Variants in BICC1 observed in about 807,000 individuals in gnomAD.
BICC1 encodes the protein protein bicaudal C homolog 1.
A neutral mutation model predicts 111.0 loss-of-function variants in BICC1; 43 were observed. The observed-to-expected ratio is 0.39, with a 90% CI of 0.30 to 0.50. The LOEUF (loss-of-function observed/expected upper bound fraction) is 0.50. BICC1 is among the 20% of genes least tolerant of loss of function. BICC1 has a pLI of 0.88. For synonymous variants in BICC1, 467 were observed against 434.4 expected (o/e 1.07, Z -0.93); for missense variants, 1,091 against 1,203.2 (o/e 0.91, Z 1.38).
intron 3 of BICC1, among the ~76,000 whole-genome samples, chr10:58,718,784 G>GTA (rs1564572763): frequency 3.3e-5 from 5 of 151,186 alleles, no homozygotes; most frequent in Non-Finnish European, 7.4e-5. Flanking sequence ...GCGTGCGCGC[G>GTA]TGCGCACGCC....
At position 58,758,116 on chromosome 10, in the gene BICC1, G is replaced by A. The variant is rs866355361; in HGVS notation, c.308-26885G>A. ...TTAAAGTCATCCTATGAATGATTAG[G>A]CTTCTGTGAGCCAAACCTAGGTCAG... On this transcript the variant is annotated intron_variant, in intron 3 of 20. Coordinates refer to ENST00000373886, the MANE Select transcript of BICC1 (RefSeq NM_001080512.3). 3.9e-5 allele frequency among the ~76,000 whole-genome samples: 6 copies of A among 152,144 alleles called. No homozygotes were observed. The South Asian group carries it at 1.2e-3, about 32-fold the overall frequency.
intron 18 of BICC1, among the ~76,000 whole-genome samples, chr10:58,816,088 C>A (rs574793547): frequency 4.6e-5 from 7 of 152,098 alleles, no homozygotes; most frequent in Non-Finnish European, 8.8e-5. Context: ...GTTGCTGCAG[C>A]ATAATTCTCA....
chr10:58,582,861 T>C (rs2132016001), intron 1 of BICC1, among the ~76,000 whole-genome samples: 1 of 152,348 alleles, frequency 6.6e-6, no homozygotes, highest in East Asian at 1.9e-4. Context: ...GCATTGAGCC[T>C]ACTCAGAGAA....
intron 3 of BICC1, among the ~76,000 whole-genome samples, chr10:58,737,722 T>C (rs1841518979): frequency 6.6e-6 from 1 of 150,998 alleles, no homozygotes; most frequent in African/African-American, 2.4e-5. Flanking sequence ...CCAATGGTGC[T>C]ATTTCTCCAC....
At chr10:58,828,363 G>A (rs1335559336) in intron 20 of BICC1, among the ~76,000 whole-genome samples, 8 of 152,158 alleles carry the variant, frequency 5.3e-5, no homozygotes, top group Non-Finnish European at 8.8e-5. Flanking sequence ...TCAGTCATAC[G>A]TCCTTTCACG....
chr10:58,774,500 TA>T (rs1410647414), intron 3 of BICC1, among the ~76,000 whole-genome samples: 1 of 152,200 alleles, frequency 6.6e-6, no homozygotes, highest in African/African-American at 2.4e-5. Context: ...TTTTGTGCAT[TA>T]TAAAAGTATA....
At chr10:58,724,786 C>T (rs1404245016) in intron 3 of BICC1, among the ~76,000 whole-genome samples, 2 of 152,206 alleles carry the variant, frequency 1.3e-5, no homozygotes, top group African/African-American at 4.8e-5. Flanking sequence ...GCCCCGGTTG[C>T]CCCGGTCCTG....
At chr10:58,600,501 C>T (rs1844991667) in intron 1 of BICC1, among the ~76,000 whole-genome samples, 2 of 152,112 alleles carry the variant, frequency 1.3e-5, no homozygotes, top group East Asian at 3.9e-4. Context: ...TTTGTACATT[C>T]ATTTTGACTT....
At chr10:58,746,424 C>T (rs987395528) in intron 3 of BICC1, among the ~76,000 whole-genome samples, 18 of 152,094 alleles carry the variant, frequency 1.2e-4, no homozygotes, top group Non-Finnish European at 2.9e-5. Flanking sequence ...AATATTTGCT[C>T]CCTCATTGCT....
At chr10:58,513,456 G>A (rs1423461556) in intron 1 of BICC1, 123 bp downstream of exon 1, 4 of 944,040 alleles carry the variant, frequency 4.2e-6, no homozygotes, top group East Asian at 3.2e-5. Flanking sequence ...CTCCAGGCCC[G>A]CTCCCCCGCG....
At chr10:58,549,941 G>A (rs912279773) in intron 1 of BICC1, among the ~76,000 whole-genome samples, 47 of 151,798 alleles carry the variant, frequency 3.1e-4, no homozygotes, top group African/African-American at 1.0e-3. Flanking sequence ...CACCTGCCTC[G>A]GCCTCCCAAA....
intron 2 of BICC1, among the ~76,000 whole-genome samples, chr10:58,690,873 T>C (rs944687345): frequency 6.6e-6 from 1 of 152,244 alleles, no homozygotes; most frequent in Non-Finnish European, 1.5e-5. Flanking sequence ...ACTAGTCTTA[T>C]GAAAAATTGG....
chr10:58,819,158 G>T (rs941216955), intron 19 of BICC1, among the ~76,000 whole-genome samples: 1 of 152,110 alleles, frequency 6.6e-6, no homozygotes, highest in Non-Finnish European at 1.5e-5. Flanking sequence ...CTATAACAGC[G>T]TAGTTAAGTA....
At chr10:58,532,582 A>G (rs1019182380) in intron 1 of BICC1, among the ~76,000 whole-genome samples, 4 of 151,854 alleles carry the variant, frequency 2.6e-5, no homozygotes, top group African/African-American at 7.2e-5. Context: ...GATGATGAAG[A>G]TGAGGCCCAT....
chr10:58,794,183 G>A (rs1052847596), intron 9 of BICC1, among the ~76,000 whole-genome samples: 9 of 150,734 alleles, frequency 6.0e-5, no homozygotes, highest in African/African-American at 2.2e-4. Context: ...GTGTGTGTGT[G>A]TGTGTGTGTG....
chr10:58,763,781 C>T (rs1842383812), intron 3 of BICC1, among the ~76,000 whole-genome samples: 1 of 151,856 alleles, frequency 6.6e-6, no homozygotes, highest in Non-Finnish European at 1.5e-5. Context: ...AAGTTGTTTA[C>T]TAGGCGTTTG....
upstream of BICC1, among the ~76,000 whole-genome samples, chr10:58,512,628 A>G (rs1275058944): frequency 6.6e-6 from 1 of 151,936 alleles, no homozygotes; most frequent in Non-Finnish European, 1.5e-5. Flanking sequence ...TGCGTTCAGG[A>G]GTGTGTGTGT....
At chr10:58,800,128 G>A in intron 12 of BICC1, 66 bp from the exon 13 acceptor site, 1 of 1,304,646 alleles carries the variant, frequency 7.7e-7, no homozygotes, top group Admixed American at 2.1e-5. Context: ...ATGGGATTGT[G>A]TTCTTGATTT....
At chr10:58,718,942 G>T (rs1840850669) in intron 3 of BICC1, among the ~76,000 whole-genome samples, 1 of 152,068 alleles carries the variant, frequency 6.6e-6, no homozygotes, top group Admixed American at 6.5e-5. Context: ...ATTTCTATGT[G>T]TTGGGATTTG....
Sources: allele counts gnomAD v4.1 joint callset (sites outside exome capture counted in the v4.1 genomes callset), GRCh38; gene constraint gnomAD v4.1.1; transcripts MANE v1.5; gene names NCBI Gene and HGNC (gene_info 2026-07-23, HGNC 2026-07-21).